The following IL1RAPL2 variants were observed in gnomAD, a reference collection of about 807,000 sequenced individuals.
IL1RAPL2 encodes X-linked interleukin-1 receptor accessory protein-like 2.
A neutral mutation model predicts 44.1 loss-of-function variants in IL1RAPL2; 3 were observed. That is an observed-to-expected ratio of 0.07 (90% CI 0.03 to 0.18). The LOEUF (loss-of-function observed/expected upper bound fraction) is 0.18. Among genes scored for constraint, IL1RAPL2 ranks in the 10% least tolerant of loss-of-function variants. The pLI is 1.00. For missense variants in IL1RAPL2, 391 were observed against 496.4 expected (o/e 0.79, Z 2.02); for synonymous variants, 181 against 178.8 (o/e 1.01, Z -0.10).
At chrX:105,148,667 A>G (rs759237207) in intron 2 of IL1RAPL2, among the ~76,000 whole-genome samples, 1 of 111,734 alleles carries the variant, frequency 8.9e-6, no homozygotes, top group Admixed American at 9.5e-5. Context: ...GCATTTTTAA[A>G]AGGAAATCTC....
intron 4 of IL1RAPL2, among the ~76,000 whole-genome samples, chrX:105,254,811 G>T (rs1481538986): frequency 8.9e-6 from 1 of 112,110 alleles, no homozygotes; most frequent in African/African-American, 3.2e-5. Context: ...TGAAAAGGGA[G>T]TCTTTTCCCC....
intron 2 of IL1RAPL2, among the ~76,000 whole-genome samples, chrX:104,930,846 G>A (rs1183921458): frequency 9.0e-6 from 1 of 111,354 alleles, no homozygotes; most frequent in Non-Finnish European, 1.9e-5. Flanking sequence ...TTTTACAGAT[G>A]AAGAAACTGA....
At chrX:104,579,071 A>C (rs2147991210) in intron 1 of IL1RAPL2, among the ~76,000 whole-genome samples, 1 of 112,003 alleles carries the variant, frequency 8.9e-6, no homozygotes, top group East Asian at 2.8e-4. Flanking sequence ...CAGATGAAAT[A>C]GCTTAAAAAG....
chrX:104,912,447 C>A (rs1399087896), intron 2 of IL1RAPL2, among the ~76,000 whole-genome samples: 3 of 110,843 alleles, frequency 2.7e-5, no homozygotes, highest in Non-Finnish European at 5.7e-5. Context: ...ATCCCATCCT[C>A]TCCCTGGTGG....
chrX:104,873,194 G>T (rs898350133), intron 2 of IL1RAPL2, among the ~76,000 whole-genome samples: 1 of 110,813 alleles, frequency 9.0e-6, no homozygotes, highest in African/African-American at 3.3e-5. Flanking sequence ...CTCTCTTCTG[G>T]GTTGCAGAAA....
chrX:104,930,490 A>G (rs186387910), intron 2 of IL1RAPL2, among the ~76,000 whole-genome samples: 2 of 111,972 alleles, frequency 1.8e-5, no homozygotes, highest in East Asian at 2.8e-4. Flanking sequence ...AGAACTTTAC[A>G]TGAAGTAACT....
At chrX:104,948,157 G>A (rs1462824154) in intron 2 of IL1RAPL2, among the ~76,000 whole-genome samples, 4 of 106,209 alleles carry the variant, frequency 3.8e-5, no homozygotes, top group African/African-American at 1.0e-4. Context: ...GGATTCCTAG[G>A]TATTTTATTC....
At chrX:105,228,094 A>G (rs2034034748) in intron 3 of IL1RAPL2, among the ~76,000 whole-genome samples, 1 of 112,117 alleles carries the variant, frequency 8.9e-6, no homozygotes, top group African/African-American at 3.2e-5. Flanking sequence ...TTTTAACGTC[A>G]GTCTTATTCA....
intron 5 of IL1RAPL2, among the ~76,000 whole-genome samples, chrX:105,417,130 G>A (rs762832853): frequency 2.0e-4 from 22 of 112,499 alleles, no homozygotes; most frequent in South Asian, 7.4e-4. Flanking sequence ...ACAAAATCGT[G>A]AGATACTGCC....
At chrX:104,641,610 C>G (rs1023336514) in intron 1 of IL1RAPL2, among the ~76,000 whole-genome samples, 2 of 111,662 alleles carry the variant, frequency 1.8e-5, no homozygotes, top group Non-Finnish European at 3.8e-5. Context: ...ATCATGCCCC[C>G]ACCCCAGATG....
At position 104,621,108 on chromosome X, in the gene IL1RAPL2, G is replaced by A. The variant is rs1284409160; in HGVS notation, c.-19-37787G>A. 2.9e-5 allele frequency among the ~76,000 whole-genome samples: 3 copies of A among 104,311 alleles called. No individual in the cohort carries two copies. In the East Asian group the frequency reaches 8.9e-4, roughly 31 times the overall value. The allele number at this position is 104,311 out of a possible 115,157, so 90.6% of individuals were successfully genotyped here. A position where few individuals can be genotyped will look rare whatever the true frequency, so the allele number is the denominator to read the frequency against. The stretch of plus-strand genomic sequence containing the variant: ...ATATATTACAATGTAATATATATTA[G>A]ATGTAACATATATTACATCTCATAA... On this transcript the variant is annotated intron_variant, in intron 1 of 10. Coordinates refer to ENST00000372582, the MANE Select transcript of IL1RAPL2 (RefSeq NM_017416.2).
intron 2 of IL1RAPL2, among the ~76,000 whole-genome samples, chrX:104,909,954 C>G (rs984528996): frequency 8.9e-5 from 10 of 112,463 alleles, no homozygotes; most frequent in East Asian, 2.8e-4. Context: ...CCGCCAGCCT[C>G]GCTGACGCCT....
At chrX:104,950,892 T>TTAAGCCC (rs1357270441) in intron 2 of IL1RAPL2, among the ~76,000 whole-genome samples, 3 of 111,118 alleles carry the variant, frequency 2.7e-5, no homozygotes, top group African/African-American at 9.8e-5. Context: ...GCGCTGTTTT[T>TTAAGCCC]TAAGCCCGTT....
At chrX:105,694,389 C>T (rs929396345) in intron 6 of IL1RAPL2, among the ~76,000 whole-genome samples, 1 of 111,597 alleles carries the variant, frequency 9.0e-6, no homozygotes, top group African/African-American at 3.3e-5. Context: ...GTAGGTAAAA[C>T]CATCAAAATT....
intron 2 of IL1RAPL2, among the ~76,000 whole-genome samples, chrX:104,950,668 T>C (rs779492823): frequency 9.0e-6 from 1 of 111,135 alleles, no homozygotes; most frequent in African/African-American, 3.3e-5. Flanking sequence ...GGATGTAATC[T>C]CCTGGTGAGC....
At chrX:105,275,461 T>C (rs2034478934) in intron 5 of IL1RAPL2, among the ~76,000 whole-genome samples, 1 of 112,056 alleles carries the variant, frequency 8.9e-6, no homozygotes, top group African/African-American at 3.2e-5. Flanking sequence ...ACTTATTTTT[T>C]CCATTGTTTA....
At chrX:105,542,413 C>T (rs1328363309) in intron 6 of IL1RAPL2, among the ~76,000 whole-genome samples, 1 of 111,756 alleles carries the variant, frequency 8.9e-6, no homozygotes, top group East Asian at 2.8e-4. Flanking sequence ...CTTCAAAGAA[C>T]GTAGAATAAA....
intron 2 of IL1RAPL2, among the ~76,000 whole-genome samples, chrX:104,895,135 G>A (rs1484084111): frequency 3.0e-5 from 3 of 100,659 alleles, no homozygotes; most frequent in Admixed American, 1.1e-4. Flanking sequence ...CTGCCTGATC[G>A]TTCCTCTGGA....
At chrX:105,372,878 A>G (rs1224521391) in intron 5 of IL1RAPL2, among the ~76,000 whole-genome samples, 1 of 112,372 alleles carries the variant, frequency 8.9e-6, no homozygotes, top group East Asian at 2.8e-4. Context: ...ATAGTATTCC[A>G]TGATATATAT....
Sources: allele counts gnomAD v4.1 joint callset (sites outside exome capture counted in the v4.1 genomes callset), GRCh38; gene constraint gnomAD v4.1.1; transcripts MANE v1.5; gene names NCBI Gene and HGNC (gene_info 2026-07-23, HGNC 2026-07-21).